Variants in SLC67A1 observed in about 807,000 individuals in gnomAD.
The protein encoded by SLC67A1 is solute carrier family 67 member A1.
the SLC67A1 span, chr11:2,922,167 C>T: frequency 6.2e-7 from 1 of 1,613,540 alleles, no homozygotes; most frequent in African/African-American, 1.3e-5. Flanking sequence ...TGCTCCGGGC[C>T]AGCGTGCTGG....
At chr11:2,922,270 C>A in the SLC67A1 span, 2 of 1,532,388 alleles carry the variant, frequency 1.3e-6, no homozygotes, top group African/African-American at 2.7e-5. Context: ...CTGGGCGGTA[C>A]CATCTGTGCT....
the SLC67A1 span, among the ~76,000 whole-genome samples, chr11:2,906,555 T>C: frequency 6.6e-6 from 1 of 152,156 alleles, no homozygotes; most frequent in Non-Finnish European, 1.5e-5. Context: ...AAGGATGAGT[T>C]CATGTCCTTT....
At chr11:2,912,537 T>C in the SLC67A1 span, among the ~76,000 whole-genome samples, 3 of 151,660 alleles carry the variant, frequency 2.0e-5, no homozygotes, top group Non-Finnish European at 2.9e-5. Flanking sequence ...CCCACCTGTG[T>C]ATCCCATTCC....
the SLC67A1 span, chr11:2,916,978 G>T: frequency 1.8e-6 from 1 of 568,220 alleles, no homozygotes; most frequent in Non-Finnish European, 3.2e-6. Flanking sequence ...GAGGCAGGAA[G>T]GCCCAGACAG....
At chr11:2,910,566 G>A in the SLC67A1 span, among the ~76,000 whole-genome samples, 70 of 152,224 alleles carry the variant, frequency 4.6e-4, 1 homozygote, top group African/African-American at 1.4e-3. Flanking sequence ...GCACCAGGCC[G>A]GGGTGCCCTG....
At chr11:2,924,987 G>A in the SLC67A1 span, 5 of 1,588,938 alleles carry the variant, frequency 3.1e-6, no homozygotes, top group Non-Finnish European at 4.3e-6. The surrounding 1 kb of genome is among the most constrained non-coding windows in gnomAD (Gnocchi z 8.6). Context: ...CCCAGGGCCT[G>A]ACTACCCCCA....
chr11:2,912,391 G>T, the SLC67A1 span, among the ~76,000 whole-genome samples: 5 of 152,246 alleles, frequency 3.3e-5, no homozygotes. Context: ...CCCAACGCCT[G>T]CAGCCTGTTC....
the SLC67A1 span, chr11:2,909,559 T>TCCCCCG: frequency 6.6e-7 from 1 of 1,518,360 alleles, no homozygotes; most frequent in South Asian, 1.2e-5. Flanking sequence ...GCCGCTCAGC[T>TCCCCCG]CCCCCGCCCC....
At chr11:2,916,969 A>G in the SLC67A1 span, 1 of 574,224 alleles carries the variant, frequency 1.7e-6, no homozygotes, top group Non-Finnish European at 3.2e-6. Context: ...AGGCCCAGAG[A>G]GGCAGGAAGG....
chr11:2,925,113 C>T, the SLC67A1 span: 1 of 1,613,802 alleles, frequency 6.2e-7, no homozygotes. This position sits in a 1 kb window ranked among gnomAD's most constrained non-coding sequence, Gnocchi z 6.5. Flanking sequence ...CCGTCTTCGG[C>T]CACGTGCAGG....
chr11:2,911,411 C>T, the SLC67A1 span, among the ~76,000 whole-genome samples: 31 of 151,990 alleles, frequency 2.0e-4, no homozygotes, highest in South Asian at 5.8e-3. Flanking sequence ...ACAGCAGGGA[C>T]GGCTCACCCT....
the SLC67A1 span, among the ~76,000 whole-genome samples, chr11:2,924,578 G>A: frequency 7.9e-5 from 12 of 152,192 alleles, no homozygotes; most frequent in Admixed American, 5.2e-4. The surrounding 1 kb of genome is among the most constrained non-coding windows in gnomAD (Gnocchi z 8.6). Flanking sequence ...GGGAGGTTCC[G>A]GGCCCCAGGC....
At chr11:2,916,531 T>C in the SLC67A1 span, 5 of 915,808 alleles carry the variant, frequency 5.5e-6, no homozygotes, top group African/African-American at 8.2e-5. Flanking sequence ...TAAGCTATTT[T>C]AGTGCAACCA....
the SLC67A1 span, chr11:2,919,548 C>G: frequency 3.1e-6 from 2 of 651,476 alleles, no homozygotes; most frequent in Admixed American, 5.3e-5. Context: ...CCACAGGGAA[C>G]CAGGCATACA....
At chr11:2,905,373 G>A in the SLC67A1 span, among the ~76,000 whole-genome samples, 1 of 152,210 alleles carries the variant, frequency 6.6e-6, no homozygotes, top group African/African-American at 2.4e-5. Flanking sequence ...TGCCAAAGCG[G>A]ACCACTGGAG....
At chr11:2,912,637 C>T in the SLC67A1 span, among the ~76,000 whole-genome samples, 2 of 152,130 alleles carry the variant, frequency 1.3e-5, no homozygotes, top group Non-Finnish European at 1.5e-5. Context: ...GCTGCGGGGG[C>T]GGGCACTGGT....
At chr11:2,922,213 C>T in the SLC67A1 span, 3 of 1,609,622 alleles carry the variant, frequency 1.9e-6, no homozygotes, top group African/African-American at 2.7e-5. Flanking sequence ...GGTGAGGGCT[C>T]CCCGCTTTGG....
At chr11:2,924,170 C>T in the SLC67A1 span, among the ~76,000 whole-genome samples, 1 of 152,252 alleles carries the variant, frequency 6.6e-6, no homozygotes, top group Non-Finnish European at 1.5e-5. This position sits in a 1 kb window ranked among gnomAD's most constrained non-coding sequence, Gnocchi z 8.6. Flanking sequence ...CCCGTCCATG[C>T]TGCGGGTAGC....
the SLC67A1 span, among the ~76,000 whole-genome samples, chr11:2,912,338 C>T: frequency 6.6e-6 from 1 of 152,238 alleles, no homozygotes; most frequent in Admixed American, 6.5e-5. Context: ...AGCCTGGTGC[C>T]CCATGGCAAG....
Sources: allele counts gnomAD v4.1 joint callset (sites outside exome capture counted in the v4.1 genomes callset), GRCh38; gene constraint gnomAD v4.1.1; non-coding constraint Gnocchi (gnomAD v3.1); transcripts MANE v1.5; gene names NCBI Gene and HGNC (gene_info 2026-07-23, HGNC 2026-07-21).